PAX2: variants seen among roughly 807,000 people sequenced by gnomAD.
PAX2 encodes the protein paired box protein Pax-2.
A neutral mutation model predicts 41.7 loss-of-function variants in PAX2; 9 were observed. That is an observed-to-expected ratio of 0.22 (90% confidence interval 0.13 to 0.38). The LOEUF is 0.38. Ranked by LOEUF, PAX2 falls within the 10% of genes least tolerant of loss-of-function variation. The probability of loss-of-function intolerance (pLI) is 1.00; values close to 1 mark genes in which losing one functional copy is unlikely to be tolerated. For synonymous variants in PAX2, 221 were observed against 212.7 expected, an observed-to-expected ratio of 1.04 and a Z score of -0.34; for missense variants, 418 against 531.6, an observed-to-expected ratio of 0.79 and a Z score of 2.10.
chr10:100,804,798 T>C (rs1312408312), intron 5 of PAX2, among the ~76,000 whole-genome samples: 5 of 152,266 alleles, frequency 3.3e-5, no homozygotes, highest in Non-Finnish European at 7.3e-5. Context: ...TCAACTCATA[T>C]GTTGATGCAT....
At position 100,829,513 on chromosome 10, in the gene PAX2, C is replaced by T. The variant is rs1280678323; in HGVS notation, c.*1894C>T. 4.8e-6 allele frequency: 1 copy of T among 208,592 alleles called. No homozygotes were observed. The highest frequency in any genetic ancestry group is 9.8e-6 in the Non-Finnish European group (1 of 101,770). 12.9% of individuals were successfully genotyped at this position (208,592 alleles called of 1,614,324 possible). A position where few individuals can be genotyped will look rare whatever the true frequency, so the allele number is the denominator to read the frequency against. On this transcript the variant is annotated 3_prime_UTR_variant, in exon 10 of 10. Transcript: ENST00000355243. ...CGATGCGCCCTGCATGTCTCCTCAC[C>T]CGTGGATCGTGACGACTCGAAATAA...
intron 5 of PAX2, among the ~76,000 whole-genome samples, chr10:100,805,019 CA>C (rs1564736189): frequency 0.012 from 307 of 24,664 alleles, 3 homozygotes; most frequent in African/African-American, 0.038. Context: ...CTCTCTCTCT[CA>C]CATACACACA....
intron 7 of PAX2, among the ~76,000 whole-genome samples, chr10:100,812,764 G>A (rs895291378): frequency 2.6e-4 from 40 of 152,226 alleles, no homozygotes; most frequent in Admixed American, 2.4e-3. Context: ...GGGAGGAGAA[G>A]ATGAGAACTT....
In PAX2 at chr10:100,827,568, C is replaced by T; in HGVS notation, c.1134C>T (p.Ala378=). The T allele has an allele frequency of 1.9e-6, 3 of 1,613,976 alleles. No individual in the cohort carries two copies. The highest frequency in any genetic ancestry group is 1.3e-5 in the African/African-American group (1 of 75,072). The change falls in exon 10 of 10, where the codon GCC becomes GCT. Residue 378 remains alanine (A), a synonymous_variant. Transcript: ENST00000355243. This position sits in a 1 kb window ranked among gnomAD's most constrained non-coding sequence, Gnocchi z 8.5. ...LLSSPYYYSA[A]PRGSAPAAAA... ...GTTCCCCTTATTATTATAGTGCCGC[C>T]CCCCGGGGCTCCGCCCCTGCCGCTG...
chr10:100,739,376 G>A (rs1351278403), intron 1 of PAX2, among the ~76,000 whole-genome samples: 4 of 152,186 alleles, frequency 2.6e-5, no homozygotes, highest in African/African-American at 7.2e-5. Context: ...ACCAGCTCCC[G>A]GCTGTGGCGC....
chr10:100,763,760 A>G (rs1225299880), intron 3 of PAX2, among the ~76,000 whole-genome samples: 1 of 152,194 alleles, frequency 6.6e-6, no homozygotes, highest in African/African-American at 2.4e-5. Context: ...CTAAGCACCT[A>G]CTATGTGCTA....
chr10:100,761,719 T>G (rs1473216675), intron 3 of PAX2, among the ~76,000 whole-genome samples: 1 of 152,192 alleles, frequency 6.6e-6, no homozygotes, highest in African/African-American at 2.4e-5. Context: ...AGTGGAGTGA[T>G]GGGCTGGCCC....
chr10:100,827,672 G>T lies in PAX2; in HGVS notation c.*53G>T, dbSNP rs752231226. 7.4e-6 allele frequency: 12 copies of T among 1,613,254 alleles called. No homozygotes were observed. Among genetic ancestry groups the T allele is most frequent in the Non-Finnish European group, 5.9e-6 (7 of 1,179,794 alleles). ...GGCCGACAGCTTCGGCCTCCACATCGTCCCCGTCTGACCCCACCCCGGAGG... is the reference window on the plus strand; with the variant it reads ...GGCCGACAGCTTCGGCCTCCACATCTTCCCCGTCTGACCCCACCCCGGAGG... On this transcript the variant is annotated 3_prime_UTR_variant, in exon 10 of 10. Coordinates refer to ENST00000355243, the MANE Select transcript of PAX2 (RefSeq NM_000278.5). This position sits in a 1 kb window ranked among gnomAD's most constrained non-coding sequence, Gnocchi z 8.5.
chr10:100,789,449 G>C (rs1005029297), intron 5 of PAX2, among the ~76,000 whole-genome samples: 3 of 152,182 alleles, frequency 2.0e-5, no homozygotes, highest in Non-Finnish European at 4.4e-5. Context: ...TGGATTATTG[G>C]TGGGATTCTA....
chr10:100,823,782 G>A (rs116262941), intron 7 of PAX2, among the ~76,000 whole-genome samples: 3 of 152,138 alleles, frequency 2.0e-5, no homozygotes, highest in South Asian at 4.1e-4. Flanking sequence ...CATGGAGGAT[G>A]CAGGCAAGGT....
At chr10:100,739,088 A>C (rs1234746900) in intron 1 of PAX2, among the ~76,000 whole-genome samples, 1 of 150,572 alleles carries the variant, frequency 6.6e-6, no homozygotes, top group Non-Finnish European at 1.5e-5. Flanking sequence ...CAGCAGCCCT[A>C]GCCCCGACCC....
At chr10:100,801,257 TA>T in intron 5 of PAX2, among the ~76,000 whole-genome samples, 1 of 152,322 alleles carries the variant, frequency 6.6e-6, no homozygotes, top group East Asian at 1.9e-4. Flanking sequence ...AAAAAGGGAT[TA>T]AAATCCCTAC....
intron 4 of PAX2, 38 bp from the exon 5 acceptor site, chr10:100,781,208 T>C: frequency 1.2e-6 from 2 of 1,612,694 alleles, no homozygotes; most frequent in Non-Finnish European, 1.7e-6. Context: ...ACTGCTAAAC[T>C]GCTATCCTGA....
At chr10:100,759,955 G>T (rs1315871310) in intron 3 of PAX2, among the ~76,000 whole-genome samples, 1 of 152,170 alleles carries the variant, frequency 6.6e-6, no homozygotes, top group Non-Finnish European at 1.5e-5. Flanking sequence ...TGAGGAGTCT[G>T]CAGGCAGCTT....
At position 100,824,353 on chromosome 10, in the gene PAX2, T is replaced by TACACACACACAC. The variant is rs61572589; in HGVS notation, c.920-263_920-252dup. On this transcript the variant is annotated intron_variant, in intron 7 of 9. Transcript: ENST00000355243. This position sits in a 1 kb window ranked among gnomAD's most constrained non-coding sequence, Gnocchi z 6.6. ...GCACAGAGACACAGGCAAAGGCAGA[T>TACACACACACAC]ACACACACACACACACACACACACA... Among the ~76,000 whole-genome samples the TACACACACACAC allele has an allele frequency of 2.5e-3, 339 of 135,560 alleles. 2 individuals carry two copies. Among genetic ancestry groups the TACACACACACAC allele is most frequent in the Non-Finnish European group, 3.2e-3 (204 of 63,044 alleles). The allele number at this position is 135,560 out of a possible 152,430, so 88.9% of individuals were successfully genotyped here.
Position 100,745,690 on chromosome 10 carries a change from T to TGGG in PAX2, c.-570_-569insGGG. ...TCCCGGCCCTTCGGCCGCGGCGGCG[T>TGGG]GCGCCTGCCTTTTCCGGGGGCGGGG... On this transcript the variant is annotated 5_prime_UTR_variant, in exon 1 of 10. Transcript: ENST00000355243. 1.0e-6 allele frequency: 1 copy of TGGG among 963,738 alleles called. No homozygotes were observed. Among genetic ancestry groups the TGGG allele is most frequent in the Non-Finnish European group, 1.3e-6 (1 of 798,782 alleles). The allele number at this position is 963,738 out of a possible 1,614,324, so 59.7% of individuals were successfully genotyped here. A position where few individuals can be genotyped will look rare whatever the true frequency, so the allele number is the denominator to read the frequency against.
intron 7 of PAX2, among the ~76,000 whole-genome samples, chr10:100,810,985 A>C (rs555418525): frequency 6.6e-6 from 1 of 152,340 alleles, no homozygotes; most frequent in South Asian, 2.1e-4. Flanking sequence ...GCAAGTTAGC[A>C]CTAACATCTC....
In PAX2 at chr10:100,748,176, A is replaced by G. The variant is rs932635764; in HGVS notation, c.44-1570A>G. The G allele has an allele frequency of 2.0e-6, 2 of 984,782 alleles. No individual in the cohort carries two copies. The highest frequency in any genetic ancestry group is 2.4e-6 in the Non-Finnish European group (2 of 829,816). 61.0% of individuals were successfully genotyped at this position (984,782 alleles called of 1,614,324 possible). The stretch of plus-strand genomic sequence containing the variant: ...ACTGGGGCTGAGGGGCCGGGCCCTG[A>G]GCCCGGGGAGGCTGAATTATTCATC... On this transcript the variant is annotated intron_variant, in intron 1 of 9. Coordinates refer to ENST00000355243, the MANE Select transcript of PAX2 (RefSeq NM_000278.5). The surrounding 1 kb of genome is among the most constrained non-coding windows in gnomAD (Gnocchi z 5.0).
chr10:100,764,718 T>G (rs1337962871), intron 3 of PAX2, among the ~76,000 whole-genome samples: 1 of 152,168 alleles, frequency 6.6e-6, no homozygotes, highest in Non-Finnish European at 1.5e-5. Flanking sequence ...TAACTGCACA[T>G]TCCTTCTCTT....
Sources: allele counts gnomAD v4.1 joint callset (sites outside exome capture counted in the v4.1 genomes callset), GRCh38; gene constraint gnomAD v4.1.1; non-coding constraint Gnocchi (gnomAD v3.1); transcripts MANE v1.5; gene names NCBI Gene and HGNC (gene_info 2026-07-23, HGNC 2026-07-21).